RFX3: variants seen among roughly 807,000 people sequenced by gnomAD.
The protein encoded by RFX3 is transcription factor RFX3.
In RFX3, 14 loss-of-function variants were observed where a neutral mutation model predicts 98.6. The observed-to-expected ratio is 0.14, with a 90% confidence interval of 0.09 to 0.22. RFX3 has a LOEUF of 0.22. Ranked by LOEUF, RFX3 falls within the 10% of genes least tolerant of loss-of-function variation. RFX3 has a pLI of 1.00. For synonymous variants in RFX3, 383 were observed against 328.4 expected, an observed-to-expected ratio of 1.17 and a Z score of -1.80; for missense variants, 639 against 926.9, an observed-to-expected ratio of 0.69 and a Z score of 4.03.
At chr9:3,376,341 A>G (rs1373107085) in intron 2 of RFX3, among the ~76,000 whole-genome samples, 2 of 152,196 alleles carry the variant, frequency 1.3e-5, no homozygotes, top group African/African-American at 2.4e-5. Flanking sequence ...CTAGGTATTT[A>G]CCCATGAGAA....
intron 12 of RFX3, among the ~76,000 whole-genome samples, chr9:3,264,635 G>A (rs1475326416): frequency 1.3e-5 from 2 of 152,168 alleles, no homozygotes; most frequent in African/African-American, 4.8e-5. Flanking sequence ...AAGAAGATAA[G>A]TAGCTTGCTC....
intron 5 of RFX3, among the ~76,000 whole-genome samples, chr9:3,294,054 C>G (rs1182264048): frequency 6.6e-6 from 1 of 152,084 alleles, no homozygotes; most frequent in African/African-American, 2.4e-5. Context: ...ACAAAAAAAT[C>G]TTTAAAGCAC....
intron 15 of RFX3, among the ~76,000 whole-genome samples, chr9:3,233,157 G>C (rs1818704437): frequency 6.6e-6 from 1 of 152,180 alleles, no homozygotes; most frequent in Non-Finnish European, 1.5e-5. Context: ...CATGCTCCAG[G>C]CAGCCAGTGA....
Position 3,220,426 on chromosome 9 carries a change from G to T in RFX3, c.*4616C>A, listed in dbSNP as rs1435427390. The T allele has an allele frequency of 6.6e-6, 1 of 151,772 alleles. No individual in the cohort carries two copies. The highest frequency in any genetic ancestry group is 2.4e-5 in the African/African-American group (1 of 41,294). 9.4% of individuals were successfully genotyped at this position (151,772 alleles called of 1,614,324 possible). A position where few individuals can be genotyped will look rare whatever the true frequency, so the allele number is the denominator to read the frequency against. ...CCTTCAATGTGCAGAAATCAGTTAT[G>T]ACATAGGTCTATCCAGGCCCATGTA... On this transcript the variant is annotated 3_prime_UTR_variant, in exon 17 of 17. Transcript: ENST00000617270.
chr9:3,458,822 T>C (rs117364336), intron 1 of RFX3, among the ~76,000 whole-genome samples: 3,988 of 152,146 alleles, frequency 0.026, 79 homozygotes, highest in Non-Finnish European at 0.038. Flanking sequence ...TAAGTAAAGA[T>C]GGATATAGAA....
At chr9:3,268,774 C>T (rs1219227832) in intron 11 of RFX3, among the ~76,000 whole-genome samples, 1 of 151,888 alleles carries the variant, frequency 6.6e-6, no homozygotes, top group Non-Finnish European at 1.5e-5. Flanking sequence ...AACTGTTAAA[C>T]TCACAAGTTA....
intron 1 of RFX3, among the ~76,000 whole-genome samples, chr9:3,434,841 A>G (rs534142332): frequency 1.3e-5 from 2 of 152,088 alleles, no homozygotes; most frequent in Non-Finnish European, 2.9e-5. Flanking sequence ...ATCATGTTGT[A>G]AACATCACAG....
At position 3,414,516 on chromosome 9, in the gene RFX3, T is replaced by A. The variant is rs567082468; in HGVS notation, c.-8-18920A>T. On this transcript the variant is annotated intron_variant, in intron 1 of 16. Coordinates refer to ENST00000617270, the MANE Select transcript of RFX3 (RefSeq NM_001282116.2). ...ATGTGTATATACATATATAAGAGTATATATATATGTGTGTGTGTGTATATA... is the reference window on the plus strand; with the variant it reads ...ATGTGTATATACATATATAAGAGTAAATATATATGTGTGTGTGTGTATATA... Among the ~76,000 whole-genome samples the A allele has an allele frequency of 1.1e-4, 16 of 150,350 alleles. No homozygotes were observed. The East Asian group carries it at 2.9e-3, about 28-fold the overall frequency.
intron 1 of RFX3, among the ~76,000 whole-genome samples, chr9:3,473,350 A>G (rs1442004547): frequency 6.6e-6 from 1 of 152,168 alleles, no homozygotes; most frequent in Non-Finnish European, 1.5e-5. Flanking sequence ...TTATTTCTCC[A>G]CAATACTGAA....
intron 15 of RFX3, among the ~76,000 whole-genome samples, chr9:3,238,704 T>A (rs1819509058): frequency 6.6e-6 from 1 of 152,282 alleles, no homozygotes; most frequent in South Asian, 2.1e-4. Flanking sequence ...GCTCTGCAAT[T>A]TCCTGTGATT....
intron 1 of RFX3, among the ~76,000 whole-genome samples, chr9:3,405,525 G>C (rs1201750745): frequency 1.3e-5 from 2 of 152,084 alleles, no homozygotes; most frequent in African/African-American, 4.8e-5. Context: ...AATAACTGCT[G>C]TTACATGCCT....
chr9:3,355,974 A>C (rs13283026), intron 2 of RFX3, among the ~76,000 whole-genome samples: 1 of 151,918 alleles, frequency 6.6e-6, no homozygotes, highest in African/African-American at 2.4e-5. Flanking sequence ...GGGAAATTAG[A>C]CAATGTATTG....
intron 4 of RFX3, among the ~76,000 whole-genome samples, chr9:3,327,080 A>G (rs1308755521): frequency 2.0e-5 from 3 of 152,156 alleles, no homozygotes; most frequent in South Asian, 2.1e-4. Flanking sequence ...AAATGGCTTG[A>G]GTCTTGACCA....
At chr9:3,264,912 G>A (rs1823414592) in intron 12 of RFX3, among the ~76,000 whole-genome samples, 1 of 152,198 alleles carries the variant, frequency 6.6e-6, no homozygotes, top group East Asian at 1.9e-4. Context: ...GACAACACTG[G>A]GAAGGGAAGT....
chr9:3,457,528 T>C (rs538893155), intron 1 of RFX3, among the ~76,000 whole-genome samples: 15 of 152,316 alleles, frequency 9.8e-5, no homozygotes, highest in African/African-American at 2.9e-4. Context: ...CACTGCACTA[T>C]CCAGTATTAC....
chr9:3,337,824 T>A (rs1311509683), intron 3 of RFX3, among the ~76,000 whole-genome samples: 5 of 152,212 alleles, frequency 3.3e-5, no homozygotes, highest in African/African-American at 1.2e-4. Flanking sequence ...TGGTTTCTGT[T>A]GCTTGAAACC....
chr9:3,346,557 A>T, intron 3 of RFX3, 110 bp downstream of exon 3: 1 of 717,222 alleles, frequency 1.4e-6, no homozygotes, highest in Non-Finnish European at 2.5e-6. Flanking sequence ...GTTCTAGTAG[A>T]AAATTACTTT....
chr9:3,499,105 T>A (rs1377079538), intron 1 of RFX3, among the ~76,000 whole-genome samples: 1 of 152,060 alleles, frequency 6.6e-6, no homozygotes, highest in Non-Finnish European at 1.5e-5. Context: ...ACTAATTTGG[T>A]AAAACAAACA....
chr9:3,261,394 C>CA (rs1218079533), intron 13 of RFX3, among the ~76,000 whole-genome samples: 14 of 152,126 alleles, frequency 9.2e-5, no homozygotes, highest in Admixed American at 9.2e-4. Flanking sequence ...GGAATCATGT[C>CA]ACGTGTGATC....
Sources: allele counts gnomAD v4.1 joint callset (sites outside exome capture counted in the v4.1 genomes callset), GRCh38; gene constraint gnomAD v4.1.1; transcripts MANE v1.5; gene names NCBI Gene and HGNC (gene_info 2026-07-23, HGNC 2026-07-21).